The following MTAP variants were observed in gnomAD, a reference collection of about 807,000 sequenced individuals.
MTAP encodes the protein S-methyl-5'-thioadenosine phosphorylase.
MTAP carries 33 observed loss-of-function variants against 33.6 expected under a neutral mutation model. That is an observed-to-expected ratio of 0.98 (90% confidence interval 0.74 to 1.31). MTAP has a LOEUF of 1.31. Among genes scored for constraint, MTAP ranks in the 40% most tolerant of loss-of-function variants. The probability of loss-of-function intolerance (pLI) is 0.00; values close to 1 mark genes in which losing one functional copy is unlikely to be tolerated. For synonymous variants in MTAP, 148 were observed against 125.7 expected (o/e 1.18, Z -1.19); for missense variants, 367 against 360.0 (o/e 1.02, Z -0.16).
At chr9:21,821,671 TA>T (rs1236271205) in intron 4 of MTAP, among the ~76,000 whole-genome samples, 2 of 152,224 alleles carry the variant, frequency 1.3e-5, no homozygotes, top group Admixed American at 6.5e-5. Flanking sequence ...CCTCTTTTTT[TA>T]TTGATTGGAA....
At chr9:21,826,086 A>T (rs987489336) in intron 4 of MTAP, among the ~76,000 whole-genome samples, 2 of 151,982 alleles carry the variant, frequency 1.3e-5, no homozygotes, top group Non-Finnish European at 2.9e-5. Flanking sequence ...TCCTATCTAT[A>T]GGCTGTCTCT....
chr9:21,864,914 A>G lies in MTAP; in HGVS notation c.*2900A>G. 1 of 985,460 alleles carries G rather than the reference A, an allele frequency of 1.0e-6. No homozygotes were observed. The highest frequency in any genetic ancestry group is 1.2e-6 in the Non-Finnish European group (1 of 829,956). 61.0% of individuals were successfully genotyped at this position (985,460 alleles called of 1,614,324 possible). A position where few individuals can be genotyped will look rare whatever the true frequency, so the allele number is the denominator to read the frequency against. On this transcript the variant is annotated 3_prime_UTR_variant, in exon 8 of 8. Coordinates refer to ENST00000644715, the MANE Select transcript of MTAP (RefSeq NM_002451.4). Reference sequence around the variant, plus strand: ...ACACCTATTTTCCAAATAATTATTCATTCTTGTGACAGTGGCCTGAACATG... The same window carrying G: ...ACACCTATTTTCCAAATAATTATTCGTTCTTGTGACAGTGGCCTGAACATG...
rs750657702 is a variant in MTAP, at chr9:21,865,409, G to T, written c.*3395G>T. On this transcript the variant is annotated 3_prime_UTR_variant, in exon 8 of 8. Coordinates refer to ENST00000644715, the MANE Select transcript of MTAP (RefSeq NM_002451.4). ...TTTATAAATTACCCAGTCATGGGCAGTCCTTTACAGCAGCATGAGAATGGA... is the reference window on the plus strand; with the variant it reads ...TTTATAAATTACCCAGTCATGGGCATTCCTTTACAGCAGCATGAGAATGGA... 5 of 979,634 alleles carry T rather than the reference G, an allele frequency of 5.1e-6. No homozygotes were observed. Among genetic ancestry groups the T allele is most frequent in the Non-Finnish European group, 6.1e-6 (5 of 824,714 alleles). 60.7% of individuals were successfully genotyped at this position (979,634 alleles called of 1,614,324 possible). A position where few individuals can be genotyped will look rare whatever the true frequency, so the allele number is the denominator to read the frequency against.
chr9:21,935,937 T>C (rs1452061163), downstream of MTAP: 2 of 152,192 alleles, frequency 1.3e-5, no homozygotes, highest in Non-Finnish European at 2.9e-5. Flanking sequence ...TATTTTAGTG[T>C]TTTTGTTGAT....
chr9:21,882,141 A>T (rs1818022452), intron 1 of MTAP, among the ~76,000 whole-genome samples: 1 of 151,986 alleles, frequency 6.6e-6, no homozygotes. Flanking sequence ...TTTTTACTGC[A>T]AATACAAATG....
In MTAP at chr9:21,928,334, C is replaced by T. The variant is rs374256552; in HGVS notation, c.148-2674C>T. ...GTTTGTCAAGCCTGCACCTTGTGAACCACAAATAATCCCTAGATGGGGAAG... is the reference window on the plus strand; with the variant it reads ...GTTTGTCAAGCCTGCACCTTGTGAATCACAAATAATCCCTAGATGGGGAAG... On this transcript the variant is annotated intron_variant, in intron 1 of 1. Coordinates refer to the MTAP transcript ENST00000577563. Among the ~76,000 whole-genome samples, 32 of 152,254 alleles carry T rather than the reference C, an allele frequency of 2.1e-4. No homozygotes were observed. In the East Asian group the frequency reaches 5.4e-3, roughly 26 times the overall value.
intron 1 of MTAP, among the ~76,000 whole-genome samples, chr9:21,904,813 G>A (rs1818448930): frequency 6.6e-6 from 1 of 152,124 alleles, no homozygotes. Context: ...GTAATTTTAT[G>A]GTGGAAAATG....
chr9:21,923,751 C>A (rs954077390), intron 1 of MTAP, among the ~76,000 whole-genome samples: 2 of 152,072 alleles, frequency 1.3e-5, no homozygotes, highest in Non-Finnish European at 1.5e-5. Flanking sequence ...CAGCCTCTTG[C>A]AGCAGTTGGC....
intron 5 of MTAP, among the ~76,000 whole-genome samples, chr9:21,844,832 C>T (rs897902875): frequency 7.2e-5 from 11 of 152,134 alleles, no homozygotes; most frequent in African/African-American, 9.7e-5. Flanking sequence ...CAGATCGAGA[C>T]CATCCTGGCT....
chr9:21,931,172 C>T (rs1262774169), exon 2 of MTAP: 3 of 746,302 alleles, frequency 4.0e-6, no homozygotes, highest in African/African-American at 3.4e-5. Flanking sequence ...TCCAACAACC[C>T]ATGCAGCCAC....
intron 1 of MTAP, chr9:21,930,187 A>C (rs78579256): frequency 0.013 from 4,616 of 354,866 alleles, 76 homozygotes; most frequent in South Asian, 0.036. Flanking sequence ...AATGAAACCA[A>C]GGGAGCTAAT....
intron 1 of MTAP, among the ~76,000 whole-genome samples, chr9:21,905,758 A>G (rs893314633): frequency 5.9e-5 from 9 of 152,226 alleles, no homozygotes; most frequent in African/African-American, 9.6e-5. Flanking sequence ...GATGGAGACA[A>G]GACTTTCTGA....
chr9:21,803,037 C>CACACAA, intron 1 of MTAP: 1 of 1,076,336 alleles, frequency 9.3e-7, no homozygotes, highest in South Asian at 2.1e-5. Flanking sequence ...CACACACACA[C>CACACAA]CACCTTTTGG....
In MTAP at chr9:21,816,750, G is replaced by A. The variant is rs772657363; in HGVS notation, c.157G>A (p.Val53Ile). ...DALILGKIKN[V>I]DCVLLARHGR... The stretch of plus-strand genomic sequence containing the variant: ...CTTAATTTTGGGGAAGATAAAAAAT[G>A]TTGATTGCGTCCTCCTTGCAAGGTA... The change falls in exon 3 of 8, where the codon GTT (valine) becomes ATT (isoleucine). Residue 53 changes from valine to isoleucine, a missense_variant. Val to Ile is a conservative substitution (Grantham distance 29). Coordinates refer to ENST00000644715, the MANE Select transcript of MTAP (RefSeq NM_002451.4). The A allele has an allele frequency of 6.2e-7, 1 of 1,612,046 alleles. No homozygotes were observed. The highest frequency in any genetic ancestry group is 2.2e-5 in the East Asian group (1 of 44,778).
rs576694617 is a variant in MTAP at position 21,847,064 on chromosome 9, A to G, written c.451-7567A>G. 2.2e-4 allele frequency among the ~76,000 whole-genome samples: 34 copies of G among 152,256 alleles called. 1 individual carries two copies. The highest frequency in any genetic ancestry group is 1.5e-3 in the East Asian group (8 of 5,172). On this transcript the variant is annotated intron_variant, in intron 5 of 7. Transcript: ENST00000644715. ...TCTAATCAGCTGCCAGCATGGCTAG[A>G]ATATAAGCAGGCAGAAAAATGTGAA...
chr9:21,914,632 G>T (rs1370197455), intron 1 of MTAP, among the ~76,000 whole-genome samples: 4 of 138,832 alleles, frequency 2.9e-5, no homozygotes, highest in African/African-American at 1.0e-4. Flanking sequence ...GGCCTCTCAT[G>T]GGGTGGGGGT....
intron 4 of MTAP, among the ~76,000 whole-genome samples, chr9:21,826,181 A>G (rs1449752636): frequency 7.7e-6 from 1 of 130,150 alleles, no homozygotes; most frequent in Non-Finnish European, 1.6e-5. Context: ...CTTCAAGAGA[A>G]CATTTTCTTT....
In MTAP at chr9:21,845,026, G is replaced by C. The variant is rs567114921; in HGVS notation, c.450+7016G>C. On this transcript the variant is annotated intron_variant, in intron 5 of 7. Coordinates refer to ENST00000644715, the MANE Select transcript of MTAP (RefSeq NM_002451.4). ...AGCCTGGGCAACAGAGCGAGACTCCGTCTCAAAAAAAAAAAAAAAGCCATC... is the reference window on the plus strand; with the variant it reads ...AGCCTGGGCAACAGAGCGAGACTCCCTCTCAAAAAAAAAAAAAAAGCCATC... 7.2e-5 allele frequency among the ~76,000 whole-genome samples: 8 copies of C among 111,474 alleles called. No homozygotes were observed. The East Asian group carries it at 2.5e-3, about 34-fold the overall frequency. 73.1% of individuals were successfully genotyped at this position (111,474 alleles called of 152,430 possible).
Position 21,866,353 on chromosome 9 carries a change from C to A in MTAP, c.*4339C>A, listed in dbSNP as rs1336846996. ...TGCCTTTTCATTTTCTTAATTATGT[C>A]TTTCAAAGAACAAGTTTTTCATTTT... On this transcript the variant is annotated 3_prime_UTR_variant, in exon 8 of 8. Coordinates refer to ENST00000644715, the MANE Select transcript of MTAP (RefSeq NM_002451.4). The A allele has an allele frequency of 6.6e-6, 1 of 152,068 alleles. No individual in the cohort carries two copies. Among genetic ancestry groups the A allele is most frequent in the Non-Finnish European group, 1.5e-5 (1 of 67,986 alleles). The allele number at this position is 152,068 out of a possible 1,614,324, so 9.4% of individuals were successfully genotyped here.
Sources: allele counts gnomAD v4.1 joint callset (sites outside exome capture counted in the v4.1 genomes callset), GRCh38; gene constraint gnomAD v4.1.1; transcripts MANE v1.5; gene names NCBI Gene and HGNC (gene_info 2026-07-23, HGNC 2026-07-21).